Variants in GALNT13 observed in about 807,000 individuals in gnomAD.
GALNT13 encodes the protein polypeptide N-acetylgalactosaminyltransferase 13.
A neutral mutation model predicts 64.2 loss-of-function variants in GALNT13; 28 were observed. That is an observed-to-expected ratio of 0.44 (90% confidence interval 0.32 to 0.60). GALNT13 has a LOEUF of 0.60. Ranked by LOEUF, GALNT13 falls within the 20% of genes least tolerant of loss-of-function variation. GALNT13 has a pLI of 0.05. For missense variants in GALNT13, 577 were observed against 669.8 expected, an observed-to-expected ratio of 0.86 and a Z score of 1.53; for synonymous variants, 214 against 224.6, an observed-to-expected ratio of 0.95 and a Z score of 0.42.
intron 3 of GALNT13, among the ~76,000 whole-genome samples, chr2:154,097,960 G>C (rs769025032): frequency 1.3e-5 from 2 of 151,486 alleles, no homozygotes; most frequent in Non-Finnish European, 2.9e-5. Context: ...TGAGAAATCT[G>C]GTGCTCAGAG....
At chr2:154,398,531 C>T (rs1407588841) in intron 10 of GALNT13, among the ~76,000 whole-genome samples, 1 of 152,142 alleles carries the variant, frequency 6.6e-6, no homozygotes, top group East Asian at 1.9e-4. Flanking sequence ...ATCAGGTGAC[C>T]ATATTTTAAT....
At chr2:154,211,629 C>CAAAAAA (rs140095331) in intron 4 of GALNT13, among the ~76,000 whole-genome samples, 473 of 37,986 alleles carry the variant, frequency 0.012, no homozygotes, top group Middle Eastern at 0.028. Context: ...ACTCCATCTC[C>CAAAAAA]AAAAAAAAAA....
At chr2:153,204,935 A>T in the GALNT13 span, among the ~76,000 whole-genome samples, 651 of 152,312 alleles carry the variant, frequency 4.3e-3, 7 homozygotes, top group African/African-American at 0.014. Flanking sequence ...TTGTTGCAGT[A>T]TTTGTGCTTT....
chr2:154,045,695 C>T (rs762030638), intron 3 of GALNT13, among the ~76,000 whole-genome samples: 6 of 152,172 alleles, frequency 3.9e-5, no homozygotes, highest in Non-Finnish European at 7.3e-5. Flanking sequence ...GAGAAAAATA[C>T]TGCCTTAGTT....
At chr2:153,716,044 G>A in the GALNT13 span, among the ~76,000 whole-genome samples, 1 of 152,098 alleles carries the variant, frequency 6.6e-6, no homozygotes, top group African/African-American at 2.4e-5. Flanking sequence ...AAAAGTTTGA[G>A]GATCGAGAAC....
chr2:153,733,994 C>G, the GALNT13 span, among the ~76,000 whole-genome samples: 1 of 152,090 alleles, frequency 6.6e-6, no homozygotes, highest in South Asian at 2.1e-4. Flanking sequence ...GGAAAGCAGT[C>G]AGGTTGCTTG....
the GALNT13 span, among the ~76,000 whole-genome samples, chr2:153,671,078 G>A: frequency 6.6e-6 from 1 of 152,180 alleles, no homozygotes; most frequent in Non-Finnish European, 1.5e-5. Context: ...CATTTGATTG[G>A]TGTACCTGAA....
At chr2:153,684,688 C>A in the GALNT13 span, among the ~76,000 whole-genome samples, 6 of 151,448 alleles carry the variant, frequency 4.0e-5, no homozygotes, top group African/African-American at 1.5e-4. Flanking sequence ...GGTACATGTG[C>A]AGGTTTGTTA....
the GALNT13 span, among the ~76,000 whole-genome samples, chr2:153,726,021 GTTA>G: frequency 0.018 from 2,675 of 152,092 alleles, 86 homozygotes; most frequent in African/African-American, 0.062. Context: ...TATTATGTAA[GTTA>G]TTATTCTGTT....
chr2:153,345,650 T>G, the GALNT13 span, among the ~76,000 whole-genome samples: 1 of 130,462 alleles, frequency 7.7e-6, no homozygotes, highest in Non-Finnish European at 1.6e-5. Flanking sequence ...TTTCTTTCTT[T>G]CTTTCTTTCT....
At chr2:153,768,278 G>A in the GALNT13 span, among the ~76,000 whole-genome samples, 1 of 152,156 alleles carries the variant, frequency 6.6e-6, no homozygotes, top group South Asian at 2.1e-4. Context: ...GTCATTGGAT[G>A]CAATGTTCCA....
chr2:154,283,398 A>C (rs1692071321), intron 8 of GALNT13, among the ~76,000 whole-genome samples: 1 of 152,024 alleles, frequency 6.6e-6, no homozygotes, highest in Non-Finnish European at 1.5e-5. Flanking sequence ...TTTCTTTATC[A>C]ATATTAATAG....
At chr2:154,028,027 A>C (rs570376122) in intron 3 of GALNT13, among the ~76,000 whole-genome samples, 28 of 152,292 alleles carry the variant, frequency 1.8e-4, no homozygotes, top group African/African-American at 6.7e-4. Flanking sequence ...ACAAGCCTTG[A>C]TGTGCACACA....
the GALNT13 span, among the ~76,000 whole-genome samples, chr2:153,577,712 T>C: frequency 6.6e-6 from 1 of 151,028 alleles, no homozygotes; most frequent in African/African-American, 2.4e-5. Context: ...CCACTAACTA[T>C]TCTAGGCAAA....
intron 3 of GALNT13, among the ~76,000 whole-genome samples, chr2:154,038,737 G>T (rs550733908): frequency 6.6e-6 from 1 of 151,962 alleles, no homozygotes; most frequent in Non-Finnish European, 1.5e-5. Flanking sequence ...TGAAAGCATA[G>T]GCATCAAAAC....
chr2:153,453,224 C>CT, the GALNT13 span, among the ~76,000 whole-genome samples: 7 of 152,164 alleles, frequency 4.6e-5, no homozygotes, highest in Non-Finnish European at 1.0e-4. Context: ...GAATTTATGA[C>CT]TAAGTCCTCC....
At chr2:153,098,260 A>T in the GALNT13 span, among the ~76,000 whole-genome samples, 2 of 152,176 alleles carry the variant, frequency 1.3e-5, no homozygotes, top group South Asian at 4.1e-4. Context: ...GCTCTTAGGA[A>T]TAGTATTCCC....
chr2:153,689,728 T>C, the GALNT13 span, among the ~76,000 whole-genome samples: 2 of 152,132 alleles, frequency 1.3e-5, no homozygotes, highest in Admixed American at 6.6e-5. Context: ...GTAGATGATA[T>C]GTGGTTTTTC....
At chr2:154,442,593 C>T (rs962562518) in intron 12 of GALNT13, among the ~76,000 whole-genome samples, 3 of 152,120 alleles carry the variant, frequency 2.0e-5, no homozygotes, top group African/African-American at 7.2e-5. Context: ...AAATTCATCT[C>T]ACTGAGACAT....
Sources: gnomAD v4.1 joint callset for allele counts (sites outside exome capture counted in the v4.1 genomes callset) on GRCh38, gnomAD v4.1.1 for gene constraint, MANE v1.5 for transcripts, NCBI Gene and HGNC (gene_info 2026-07-23, HGNC 2026-07-21) for gene names.